Variants in ESR1 observed in about 807,000 individuals in gnomAD.
ESR1 encodes the protein estrogen receptor.
A neutral mutation model predicts 52.7 loss-of-function variants in ESR1; 12 were observed. That is an observed-to-expected ratio of 0.23 (90% CI 0.15 to 0.37). The LOEUF (loss-of-function observed/expected upper bound fraction) is 0.37. ESR1 is among the 10% of genes least tolerant of loss of function. ESR1 has a pLI of 1.00. For synonymous variants in ESR1, 305 were observed against 316.8 expected (o/e 0.96, Z 0.39); for missense variants, 584 against 779.7 (o/e 0.75, Z 2.99).
At chr6:151,702,308 T>G (rs946537938) in intron 2 of ESR1, among the ~76,000 whole-genome samples, 4 of 152,202 alleles carry the variant, frequency 2.6e-5, no homozygotes, top group Non-Finnish European at 5.9e-5. Flanking sequence ...ATTTACATAC[T>G]CAATAGTCCA....
chr6:151,798,765 G>A (rs1776949772), intron 2 of ESR1, among the ~76,000 whole-genome samples: 1 of 152,142 alleles, frequency 6.6e-6, no homozygotes, highest in South Asian at 2.1e-4. Flanking sequence ...ATATTTGCAA[G>A]TTTGTACAAT....
chr6:152,033,368 G>C (rs1363537783), intron 5 of ESR1, among the ~76,000 whole-genome samples: 2 of 152,128 alleles, frequency 1.3e-5, no homozygotes, highest in African/African-American at 4.8e-5. Context: ...CCTACAGAAT[G>C]GGAGAAAATC....
Position 151,842,643 on chromosome 6 carries a change from A to G in ESR1, c.499A>G (p.Ser167Gly), listed in dbSNP as rs1479470832. The G allele has an allele frequency of 6.2e-7, 1 of 1,613,886 alleles. No individual in the cohort carries two copies. Among genetic ancestry groups the G allele is most frequent in the Middle Eastern group, 1.7e-4 (1 of 6,060 alleles). ...RRQGGRERLA[S>G]TNDKGSMAME... is the part of the protein sequence containing the mutation. ...CCAGGGTGGCAGAGAAAGATTGGCCAGTACCAATGACAAGGGAAGTATGGC... is the reference window on the plus strand; with the variant it reads ...CCAGGGTGGCAGAGAAAGATTGGCCGGTACCAATGACAAGGGAAGTATGGC... Residue 167 changes from serine to glycine, a missense_variant, in exon 2 of 8, where the codon AGT becomes GGT. Physicochemically the swap from Ser to Gly is moderately conservative, Grantham distance 56. Coordinates refer to ENST00000206249, the MANE Select transcript of ESR1 (RefSeq NM_000125.4).
chr6:151,733,239 C>T (rs12195741), intron 2 of ESR1, among the ~76,000 whole-genome samples: 33,451 of 152,090 alleles, frequency 0.22, 4,765 homozygotes, highest in Middle Eastern at 0.38. Flanking sequence ...AGTACGTAGT[C>T]GAGCTAGTAT....
chr6:151,822,242 T>C (rs1329304076), intron 1 of ESR1, among the ~76,000 whole-genome samples: 1 of 152,208 alleles, frequency 6.6e-6, no homozygotes, highest in Non-Finnish European at 1.5e-5. Context: ...ATGACTTTTA[T>C]ACATGTAGAA....
chr6:151,940,267 C>G lies in ESR1; in HGVS notation c.761-3906C>G, dbSNP rs181084586. Among the ~76,000 whole-genome samples the G allele has an allele frequency of 7.7e-4, 117 of 152,314 alleles. 3 individuals carry two copies. Among genetic ancestry groups the G allele is most frequent in the Admixed American group, 5.7e-3 (87 of 15,306 alleles). On this transcript the variant is annotated intron_variant, in intron 3 of 7. Coordinates refer to ENST00000206249, the MANE Select transcript of ESR1 (RefSeq NM_000125.4). ...CTGCCCCCATGATTCAGTTACCTCC[C>G]ACTGAGTCCCTCCCACATGTGGGGA...
At chr6:152,125,645 G>A (rs2053145702) in exon 7 of ESR1, 1 of 273,534 alleles carries the variant, frequency 3.7e-6, no homozygotes, top group East Asian at 6.2e-5. Flanking sequence ...ATAACAGAGT[G>A]ACTGAAGAGA....
At chr6:151,931,150 C>CT (rs540126830) in intron 3 of ESR1, among the ~76,000 whole-genome samples, 2 of 151,364 alleles carry the variant, frequency 1.3e-5, no homozygotes, top group African/African-American at 4.9e-5. Flanking sequence ...CTTCGCCTTT[C>CT]TTTTTTTTTC....
Position 151,741,320 on chromosome 6 carries a change from C to T in ESR1, c.-71+39315C>T, listed in dbSNP as rs550435383. 1.7e-4 allele frequency among the ~76,000 whole-genome samples: 26 copies of T among 152,224 alleles called. 1 individual carries two copies. Among genetic ancestry groups the T allele is most frequent in the South Asian group, 1.5e-3 (7 of 4,818 alleles). ...TTAAAAATATAATTCATTCAGTCCT[C>T]CTCTATGCCTAAGCTTATTTCTTTG... On this transcript the variant is annotated intron_variant, in intron 2 of 2. Coordinates refer to the ESR1 transcript ENST00000404742.
intron 2 of ESR1, among the ~76,000 whole-genome samples, chr6:151,868,362 A>T (rs1482601234): frequency 2.6e-5 from 4 of 152,120 alleles, no homozygotes; most frequent in Non-Finnish European, 4.4e-5. Flanking sequence ...TCCTGACCTC[A>T]GGTGATCTGC....
chr6:151,726,046 T>G (rs1467436088), intron 2 of ESR1, among the ~76,000 whole-genome samples: 1 of 152,130 alleles, frequency 6.6e-6, no homozygotes, highest in Non-Finnish European at 1.5e-5. Context: ...GGGTGTTTGA[T>G]GTATGCAGGG....
At chr6:151,929,066 G>A (rs955423402) in intron 3 of ESR1, among the ~76,000 whole-genome samples, 9 of 152,122 alleles carry the variant, frequency 5.9e-5, no homozygotes, top group African/African-American at 2.2e-4. Flanking sequence ...ATATTAATTA[G>A]ACCATGTTGA....
intron 2 of ESR1, among the ~76,000 whole-genome samples, chr6:151,716,105 G>A (rs559843841): frequency 5.3e-5 from 8 of 152,258 alleles, no homozygotes; most frequent in African/African-American, 1.9e-4. Flanking sequence ...TCTGCTGCAG[G>A]TCTGCTGGAG....
intron 2 of ESR1, among the ~76,000 whole-genome samples, chr6:151,745,199 C>A (rs1487753430): frequency 1.3e-5 from 2 of 152,160 alleles, no homozygotes; most frequent in Non-Finnish European, 2.9e-5. Context: ...AGCATGACCT[C>A]AACCCACCTC....
At chr6:151,918,033 T>C (rs2030708065) in intron 3 of ESR1, among the ~76,000 whole-genome samples, 1 of 152,230 alleles carries the variant, frequency 6.6e-6, no homozygotes, top group South Asian at 2.1e-4. Context: ...GTTTGTCAAG[T>C]GCTTTTCAGT....
At chr6:152,015,546 G>A (rs756982118) in intron 5 of ESR1, among the ~76,000 whole-genome samples, 5 of 152,070 alleles carry the variant, frequency 3.3e-5, no homozygotes, top group East Asian at 1.9e-4. Context: ...TCCAGTTTAC[G>A]AAGTCTTCCA....
intron 2 of ESR1, among the ~76,000 whole-genome samples, chr6:151,759,871 T>G (rs1784544422): frequency 6.6e-6 from 1 of 152,186 alleles, no homozygotes; most frequent in Non-Finnish European, 1.5e-5. Context: ...GGTATTAGGT[T>G]GGTGCAAAAG....
At chr6:152,092,762 C>T (rs1400722646) in intron 6 of ESR1, among the ~76,000 whole-genome samples, 1 of 152,160 alleles carries the variant, frequency 6.6e-6, no homozygotes, top group Non-Finnish European at 1.5e-5. Context: ...CCCAAAAAAG[C>T]CTGTTCCATC....
intron 3 of ESR1, among the ~76,000 whole-genome samples, chr6:151,927,341 A>T (rs1050731815): frequency 6.6e-6 from 1 of 152,152 alleles, no homozygotes; most frequent in African/African-American, 2.4e-5. Flanking sequence ...GGGTATTAGG[A>T]TAATTCTAGA....
Sources: allele counts gnomAD v4.1 joint callset (sites outside exome capture counted in the v4.1 genomes callset), GRCh38; gene constraint gnomAD v4.1.1; transcripts MANE v1.5; gene names NCBI Gene and HGNC (gene_info 2026-07-23, HGNC 2026-07-21).